SRRM4: variants seen among roughly 807,000 people sequenced by gnomAD.
The protein encoded by SRRM4 is serine/arginine repetitive matrix protein 4.
In SRRM4, 33 loss-of-function variants were observed where a neutral mutation model predicts 68.9. The observed-to-expected ratio is 0.48, with a 90% CI of 0.36 to 0.64. The LOEUF is 0.64. Ranked by LOEUF, SRRM4 falls within the 30% of genes least tolerant of loss-of-function variation. SRRM4 has a pLI of 0.00. For missense variants in SRRM4, 817 were observed against 827.1 expected, an observed-to-expected ratio of 0.99 and a Z score of 0.15; for synonymous variants, 318 against 318.8, an observed-to-expected ratio of 1.00 and a Z score of 0.03.
At position 119,162,359 on chromosome 12, in the gene SRRM4, A is replaced by T. The variant is rs939525366; in HGVS notation, c.*5561A>T. On this transcript the variant is annotated 3_prime_UTR_variant, in exon 13 of 13. Coordinates refer to ENST00000267260, the MANE Select transcript of SRRM4 (RefSeq NM_194286.4). ...CTGTATTTAGTTTGAACTTCTCTCT[A>T]AGCCCCGTGGTCCAAAGTCATCACG... is the stretch of plus-strand genomic sequence containing the variant. 1 of 152,178 alleles carries T rather than the reference A, an allele frequency of 6.6e-6. No individual in the cohort carries two copies. The highest frequency in any genetic ancestry group is 1.5e-5 in the Non-Finnish European group (1 of 68,030). 9.4% of individuals were successfully genotyped at this position (152,178 alleles called of 1,614,324 possible). A position where few individuals can be genotyped will look rare whatever the true frequency, so the allele number is the denominator to read the frequency against.
intron 9 of SRRM4, among the ~76,000 whole-genome samples, chr12:119,146,928 T>C (rs1163375646): frequency 6.7e-6 from 1 of 148,668 alleles, no homozygotes; most frequent in African/African-American, 2.5e-5. Context: ...AGAGCCAGAC[T>C]CCATCTCAAA....
intron 1 of SRRM4, among the ~76,000 whole-genome samples, chr12:119,034,914 G>A (rs1953617044): frequency 6.6e-6 from 1 of 152,138 alleles, no homozygotes; most frequent in Non-Finnish European, 1.5e-5. Context: ...GAGAATTTGG[G>A]TGATTAGCAC....
chr12:119,011,457 G>T (rs10775013), intron 1 of SRRM4, among the ~76,000 whole-genome samples: 113,670 of 151,890 alleles, frequency 0.75, 43,151 homozygotes, highest in Middle Eastern at 0.89. Context: ...TCTCTAGACC[G>T]TGCCAAATGT....
intron 1 of SRRM4, among the ~76,000 whole-genome samples, chr12:119,007,247 A>G (rs1885417731): frequency 6.6e-6 from 1 of 152,238 alleles, no homozygotes; most frequent in Non-Finnish European, 1.5e-5. Context: ...GAGCTGGGCA[A>G]GATTGAGGAG....
chr12:119,027,170 G>A lies in SRRM4; in HGVS notation c.131+45157G>A, dbSNP rs181732707. ...AGAGAAAAAAAGATGGGCCCCAAAT[G>A]ACATCATGGAGCACCAACTAAACCA... On this transcript the variant is annotated intron_variant, in intron 1 of 12. Transcript: ENST00000267260. Among the ~76,000 whole-genome samples the A allele has an allele frequency of 1.0e-3, 152 of 152,248 alleles. 4 individuals carry two copies. Among genetic ancestry groups the A allele is most frequent in the African/African-American group, 3.5e-3 (146 of 41,546 alleles).
chr12:119,156,329 T>C (rs1055370356), intron 12 of SRRM4, among the ~76,000 whole-genome samples, 166 bp from the exon 13 acceptor site: 4 of 152,210 alleles, frequency 2.6e-5, no homozygotes, highest in African/African-American at 9.6e-5. Flanking sequence ...CTGAGACTTT[T>C]ACTTTGATGT....
chr12:119,101,367 G>A (rs974881351), intron 1 of SRRM4, among the ~76,000 whole-genome samples: 5 of 152,050 alleles, frequency 3.3e-5, no homozygotes, highest in African/African-American at 4.8e-5. Flanking sequence ...ACTCATAGAC[G>A]ACGCCTCAGT....
Position 119,045,284 on chromosome 12 carries a change from G to A in SRRM4, c.132-56952G>A, listed in dbSNP as rs368136924. 4.1e-4 allele frequency among the ~76,000 whole-genome samples: 62 copies of A among 152,148 alleles called. 2 individuals are homozygous for A. The highest frequency in any genetic ancestry group is 1.4e-3 in the African/African-American group (57 of 41,500). On this transcript the variant is annotated intron_variant, in intron 1 of 12. Coordinates refer to ENST00000267260, the MANE Select transcript of SRRM4 (RefSeq NM_194286.4). ...TCCACATTGCCACGCTTTCCAAAGA[G>A]GAAGACCCACCCCCGCCCCTTCCTC...
chr12:119,005,963 C>T (rs1270986171), intron 1 of SRRM4, among the ~76,000 whole-genome samples: 1 of 152,144 alleles, frequency 6.6e-6, no homozygotes, highest in Admixed American at 6.5e-5. Context: ...CACATCTTGC[C>T]AGATGGGTCT....
At chr12:119,026,393 G>A (rs1023172254) in intron 1 of SRRM4, among the ~76,000 whole-genome samples, 1 of 151,770 alleles carries the variant, frequency 6.6e-6, no homozygotes, top group Non-Finnish European at 1.5e-5. Flanking sequence ...GTATGTGAGC[G>A]GTAAGAAAAA....
At chr12:119,131,070 G>A (rs751670911) in intron 8 of SRRM4, among the ~76,000 whole-genome samples, 1 of 152,180 alleles carries the variant, frequency 6.6e-6, no homozygotes, top group East Asian at 1.9e-4. Context: ...CTTTTTATCA[G>A]GGGAATGTTG....
At chr12:119,141,196 G>A (rs1356851788) in intron 8 of SRRM4, among the ~76,000 whole-genome samples, 2 of 152,138 alleles carry the variant, frequency 1.3e-5, no homozygotes, top group Admixed American at 6.5e-5. Context: ...ACCCACTTCG[G>A]CCTCCCAGAG....
At chr12:119,012,619 T>A (rs373859054) in intron 1 of SRRM4, among the ~76,000 whole-genome samples, 5 of 152,348 alleles carry the variant, frequency 3.3e-5, no homozygotes, top group South Asian at 4.1e-4. Context: ...TGTCTACCAC[T>A]GAGTCCCGCT....
chr12:119,117,718 C>T (rs1301878319), intron 4 of SRRM4, among the ~76,000 whole-genome samples: 1 of 152,128 alleles, frequency 6.6e-6, no homozygotes, highest in Non-Finnish European at 1.5e-5. Context: ...TCGAGACCAT[C>T]CTGGCCAACA....
At chr12:119,012,359 G>A (rs1444451787) in intron 1 of SRRM4, among the ~76,000 whole-genome samples, 2 of 152,222 alleles carry the variant, frequency 1.3e-5, no homozygotes, top group Non-Finnish European at 2.9e-5. Context: ...CATCAAGGTT[G>A]CCATGATATA....
At chr12:119,045,836 A>C (rs1457520973) in intron 1 of SRRM4, among the ~76,000 whole-genome samples, 1 of 152,012 alleles carries the variant, frequency 6.6e-6, no homozygotes, top group Non-Finnish European at 1.5e-5. Flanking sequence ...TCAGGAGTTC[A>C]AGACCAGCCT....
chr12:119,014,894 C>T (rs1387175751), intron 1 of SRRM4, among the ~76,000 whole-genome samples: 1 of 152,220 alleles, frequency 6.6e-6, no homozygotes, highest in Non-Finnish European at 1.5e-5. Context: ...GAAACCCTCA[C>T]ATGTGCCCAA....
intron 1 of SRRM4, among the ~76,000 whole-genome samples, chr12:119,078,618 T>C (rs1953930018): frequency 6.6e-6 from 1 of 152,170 alleles, no homozygotes; most frequent in African/African-American, 2.4e-5. Context: ...TCTACAGTCA[T>C]TCATTCCACA....
At chr12:119,140,532 T>A (rs529543084) in intron 8 of SRRM4, among the ~76,000 whole-genome samples, 30 of 152,384 alleles carry the variant, frequency 2.0e-4, no homozygotes, top group Admixed American at 6.5e-4. Context: ...CTAGTAACCA[T>A]CATTCCATTC....
Sources: allele counts gnomAD v4.1 joint callset (sites outside exome capture counted in the v4.1 genomes callset), GRCh38; gene constraint gnomAD v4.1.1; transcripts MANE v1.5; gene names NCBI Gene and HGNC (gene_info 2026-07-23, HGNC 2026-07-21).